Variants in ADK observed in about 807,000 individuals in gnomAD.
ADK encodes the protein N6,N6-dimethyladenosine kinase.
Under a neutral mutation model 44.7 loss-of-function variants are expected in ADK, and 24 were observed. The observed-to-expected ratio is 0.54, with a 90% CI of 0.39 to 0.76. The LOEUF (loss-of-function observed/expected upper bound fraction) is 0.76, where lower values mean the gene tolerates loss of function less well. ADK is among the 30% of genes least tolerant of loss of function. The probability of loss-of-function intolerance (pLI) is 0.00; values close to 1 mark genes in which losing one functional copy is unlikely to be tolerated. For synonymous variants in ADK, 128 were observed against 142.6 expected (o/e 0.90, Z 0.73); for missense variants, 321 against 425.1 (o/e 0.76, Z 2.15).
intron 10 of ADK, among the ~76,000 whole-genome samples, chr10:74,695,616 T>TGG (rs796902967): frequency 0.066 from 1,412 of 21,472 alleles, 27 homozygotes; most frequent in East Asian, 0.22. Context: ...TGTGTATGTG[T>TGG]GGGGTGTGTG....
In ADK at chr10:74,151,285, G is replaced by A. The variant is rs368429697; in HGVS notation, c.7G>A (p.Ala3Thr). The A allele has an allele frequency of 6.5e-7, 1 of 1,549,676 alleles. No homozygotes were observed. The highest frequency in any genetic ancestry group is 1.2e-5 in the South Asian group (1 of 83,972). The stretch of plus-strand genomic sequence containing the variant: ...GTGGGGTGGGAGCGCGAAGATGGCA[G>A]CTGCTGAGGAGGAGCCGAAGCCCAA... MA[A>T]AEEEPKPKKL... Residue 3 changes from alanine (A) to threonine (T), a missense_variant, in exon 1 of 11, where the codon GCT becomes ACT. By Grantham distance (58) the Ala-to-Thr change is moderately conservative. Coordinates refer to ENST00000539909, the MANE Select transcript of ADK (RefSeq NM_006721.4).
chr10:74,599,816 C>G (rs1440893580), intron 8 of ADK, among the ~76,000 whole-genome samples: 1 of 152,104 alleles, frequency 6.6e-6, no homozygotes, highest in Non-Finnish European at 1.5e-5. Flanking sequence ...AAAGGATTAG[C>G]ATTTCTTTCT....
At chr10:74,205,320 G>A (rs752003146) in intron 2 of ADK, among the ~76,000 whole-genome samples, 5 of 152,090 alleles carry the variant, frequency 3.3e-5, no homozygotes, top group Non-Finnish European at 5.9e-5. Flanking sequence ...TTATCACTCT[G>A]TGTATCATTT....
At chr10:74,537,839 T>C (rs1849506120) in intron 7 of ADK, among the ~76,000 whole-genome samples, 1 of 152,076 alleles carries the variant, frequency 6.6e-6, no homozygotes, top group African/African-American at 2.4e-5. Context: ...AATAATAAAA[T>C]AACAGTTTGA....
intron 6 of ADK, among the ~76,000 whole-genome samples, chr10:74,414,232 A>T (rs1844289217): frequency 6.6e-6 from 1 of 152,236 alleles, no homozygotes; most frequent in Admixed American, 6.5e-5. Context: ...ATAAAAAGGT[A>T]TCTGTGAAGT....
chr10:74,293,778 T>C lies in ADK; in HGVS notation c.195-20889T>C, dbSNP rs770302015. On this transcript the variant is annotated intron_variant, in intron 3 of 10. Coordinates refer to ENST00000539909, the MANE Select transcript of ADK (RefSeq NM_006721.4). Reference sequence around the variant, plus strand: ...TTGCCAAAATTCATCATTGATTCTTTTATTAACTTTTTGTGAATTAAAGTA... The same window carrying C: ...TTGCCAAAATTCATCATTGATTCTTCTATTAACTTTTTGTGAATTAAAGTA... Among the ~76,000 whole-genome samples, 35 of 152,224 alleles carry C rather than the reference T, an allele frequency of 2.3e-4. 1 individual carries two copies. Among genetic ancestry groups the C allele is most frequent in the Non-Finnish European group, 3.2e-4 (22 of 68,038 alleles).
chr10:74,489,344 G>A (rs545701905), intron 6 of ADK, among the ~76,000 whole-genome samples: 1 of 151,950 alleles, frequency 6.6e-6, no homozygotes, highest in African/African-American at 2.4e-5. Flanking sequence ...CAGGACATTT[G>A]GATAAATAAA....
In ADK at chr10:74,221,426, G is replaced by A. The variant is rs1160352162; in HGVS notation, c.141-3112G>A. On this transcript the variant is annotated intron_variant, in intron 2 of 10. Transcript: ENST00000539909. The stretch of plus-strand genomic sequence containing the variant: ...CTCATGGGTAGGAAGAATCAATATC[G>A]TGAAAATGGCCATACTGCCCAAGGT... Among the ~76,000 whole-genome samples, 24 of 152,138 alleles carry A rather than the reference G, an allele frequency of 1.6e-4. No individual in the cohort carries two copies. The East Asian group carries it at 3.1e-3, about 20-fold the overall frequency.
intron 6 of ADK, among the ~76,000 whole-genome samples, chr10:74,478,526 CT>C (rs765804849): frequency 1.3e-5 from 2 of 152,182 alleles, no homozygotes; most frequent in Non-Finnish European, 2.9e-5. Flanking sequence ...CCCAGCAATT[CT>C]TTAAATGATA....
intron 3 of ADK, among the ~76,000 whole-genome samples, chr10:74,237,782 G>T (rs1304728491): frequency 6.6e-6 from 1 of 152,076 alleles, no homozygotes; most frequent in Non-Finnish European, 1.5e-5. Flanking sequence ...TGGGTGACTG[G>T]GTGCATCATC....
chr10:74,498,108 G>A (rs1308574817), intron 6 of ADK, among the ~76,000 whole-genome samples: 1 of 152,050 alleles, frequency 6.6e-6, no homozygotes, highest in South Asian at 2.1e-4. Context: ...CCAGGATGGT[G>A]TTGATCTCCT....
intron 4 of ADK, among the ~76,000 whole-genome samples, chr10:74,375,566 C>T (rs965768436): frequency 6.6e-6 from 1 of 152,084 alleles, no homozygotes; most frequent in Non-Finnish European, 1.5e-5. Context: ...TTGTTACTAC[C>T]TATTTACACT....
chr10:74,445,047 A>G (rs1002193334), intron 6 of ADK, among the ~76,000 whole-genome samples: 1 of 152,074 alleles, frequency 6.6e-6, no homozygotes, highest in Admixed American at 6.5e-5. Flanking sequence ...AACAAATATA[A>G]ACAATGGGTT....
chr10:74,700,086 A>G (rs1856359578), intron 10 of ADK, among the ~76,000 whole-genome samples: 1 of 152,194 alleles, frequency 6.6e-6, no homozygotes, highest in Non-Finnish European at 1.5e-5. Context: ...AATTTTATTC[A>G]TTGTAGCATT....
chr10:74,471,449 C>A (rs1018126528), intron 6 of ADK, among the ~76,000 whole-genome samples: 5 of 152,082 alleles, frequency 3.3e-5, no homozygotes, highest in Non-Finnish European at 7.4e-5. Context: ...AGGCCTCTAT[C>A]TTTGTTTTTC....
intron 2 of ADK, among the ~76,000 whole-genome samples, chr10:74,203,047 G>T (rs938993334): frequency 6.6e-6 from 1 of 152,162 alleles, no homozygotes; most frequent in Non-Finnish European, 1.5e-5. Flanking sequence ...AAAGATTTGT[G>T]CCTGTGTTTT....
At chr10:74,175,973 G>A (rs890714343) in intron 1 of ADK, among the ~76,000 whole-genome samples, 22 of 101,948 alleles carry the variant, frequency 2.2e-4, no homozygotes, top group Non-Finnish European at 4.1e-4. Context: ...CCCCTCTATG[G>A]TCTTAGATTC....
intron 6 of ADK, chr10:74,506,263 T>A: frequency 5.3e-6 from 1 of 186,954 alleles, no homozygotes; most frequent in South Asian, 1.2e-4. Context: ...CCAACCACAA[T>A]GGTCCTTACA....
chr10:74,492,429 C>G (rs1448374799), intron 6 of ADK, among the ~76,000 whole-genome samples: 1 of 151,894 alleles, frequency 6.6e-6, no homozygotes, highest in Non-Finnish European at 1.5e-5. Context: ...TAATAAGACT[C>G]TGTCTCTTAA....
Sources: allele counts gnomAD v4.1 joint callset (sites outside exome capture counted in the v4.1 genomes callset), GRCh38; gene constraint gnomAD v4.1.1; transcripts MANE v1.5; gene names NCBI Gene and HGNC (gene_info 2026-07-23, HGNC 2026-07-21).